Variants in THAP12 observed in about 807,000 individuals in gnomAD.
The protein encoded by THAP12 is THAP domain containing 12.
A neutral mutation model predicts 63.0 loss-of-function variants in THAP12; 20 were observed. That is an observed-to-expected ratio of 0.32 (90% CI 0.22 to 0.46). The LOEUF (loss-of-function observed/expected upper bound fraction) is 0.46, where lower values mean the gene tolerates loss of function less well. Among genes scored for constraint, THAP12 ranks in the 20% least tolerant of loss-of-function variants. THAP12 has a pLI of 1.00. For missense variants in THAP12, 568 were observed against 908.2 expected (o/e 0.63, Z 4.81); for synonymous variants, 264 against 328.4 (o/e 0.80, Z 2.12).
chr11:76,356,048 G>T (rs1242815941), intron 3 of THAP12: 1 of 160,540 alleles, frequency 6.2e-6, no homozygotes, highest in Non-Finnish European at 1.4e-5. Flanking sequence ...CCATAAGAAG[G>T]AGGTTGCTGA....
At chr11:76,376,265 G>A (rs1946709461) in intron 1 of THAP12, among the ~76,000 whole-genome samples, 1 of 152,160 alleles carries the variant, frequency 6.6e-6, no homozygotes, top group Non-Finnish European at 1.5e-5. Flanking sequence ...CACTTTACAT[G>A]GGTGAATTAT....
intron 2 of THAP12, among the ~76,000 whole-genome samples, chr11:76,363,595 T>TTGTTTGTC: frequency 6.6e-6 from 1 of 151,328 alleles, no homozygotes; most frequent in Middle Eastern, 3.4e-3. Flanking sequence ...GGGTTTTTGT[T>TTGTTTGTC]TGTTTGTTTT....
At chr11:76,367,011 T>C (rs1009442360) in intron 1 of THAP12, among the ~76,000 whole-genome samples, 3 of 152,058 alleles carry the variant, frequency 2.0e-5, no homozygotes, top group African/African-American at 7.2e-5. Context: ...CTTGTGCAGA[T>C]GAAGGCACAG....
At chr11:76,366,909 T>G (rs1946635135) in intron 1 of THAP12, among the ~76,000 whole-genome samples, 1 of 152,100 alleles carries the variant, frequency 6.6e-6, no homozygotes, top group Non-Finnish European at 1.5e-5. Context: ...CTCTCGGTGC[T>G]TAAATATTTT....
intron 3 of THAP12, chr11:76,356,383 C>T (rs1305460588): frequency 6.6e-6 from 1 of 152,234 alleles, no homozygotes; most frequent in Non-Finnish European, 1.5e-5. Context: ...ACCTGGACAT[C>T]CCCTCCTTAT....
chr11:76,363,016 G>A (rs1946607763), intron 2 of THAP12, among the ~76,000 whole-genome samples: 3 of 152,128 alleles, frequency 2.0e-5, no homozygotes, highest in Admixed American at 2.0e-4. Context: ...GGTGGCATGT[G>A]CCTGTAGTTC....
intron 1 of THAP12, among the ~76,000 whole-genome samples, chr11:76,366,576 G>A (rs1015292648): frequency 6.6e-6 from 1 of 152,090 alleles, no homozygotes; most frequent in South Asian, 2.1e-4. Flanking sequence ...AGCTACTCGG[G>A]AGGCTGAGGC....
intron 1 of THAP12, among the ~76,000 whole-genome samples, chr11:76,373,910 G>C (rs1173016720): frequency 6.6e-6 from 1 of 151,958 alleles, no homozygotes; most frequent in Non-Finnish European, 1.5e-5. Flanking sequence ...CCAACCTTAT[G>C]TTAACACAAA....
At chr11:76,376,624 G>GTTT (rs11300199) in intron 1 of THAP12, among the ~76,000 whole-genome samples, 5 of 130,840 alleles carry the variant, frequency 3.8e-5, no homozygotes, top group African/African-American at 1.5e-4. Context: ...TGTTTTTTTT[G>GTTT]TTTTTTTTTT....
At chr11:76,366,983 G>A (rs932515956) in intron 1 of THAP12, among the ~76,000 whole-genome samples, 1 of 151,774 alleles carries the variant, frequency 6.6e-6, no homozygotes, top group African/African-American at 2.4e-5. Flanking sequence ...TCCAAAGATG[G>A]GTACTATTAA....
At chr11:76,364,064 A>G (rs74900392) in intron 2 of THAP12, among the ~76,000 whole-genome samples, 18,747 of 152,312 alleles carry the variant, frequency 0.12, 1,431 homozygotes, top group South Asian at 0.23. Flanking sequence ...GAATGTAAGA[A>G]TGAACTATCC....
chr11:76,368,726 A>T (rs1188367219), intron 1 of THAP12: 1 of 152,236 alleles, frequency 6.6e-6, no homozygotes, highest in Admixed American at 6.5e-5. Flanking sequence ...AAAAAAATAA[A>T]TCTTAACTCC....
chr11:76,360,024 T>C (rs547026598), intron 3 of THAP12, among the ~76,000 whole-genome samples: 1 of 152,294 alleles, frequency 6.6e-6, no homozygotes, highest in African/African-American at 2.4e-5. Flanking sequence ...ACTTGTTATA[T>C]AACAGAGGTG....
chr11:76,365,294 A>G (rs1946623392), intron 2 of THAP12, among the ~76,000 whole-genome samples: 1 of 141,442 alleles, frequency 7.1e-6, no homozygotes, highest in African/African-American at 2.7e-5. Context: ...ACTGTCTTTA[A>G]AAAAAAAAAA....
chr11:76,373,537 T>A (rs1384953339), intron 1 of THAP12, among the ~76,000 whole-genome samples: 2 of 151,770 alleles, frequency 1.3e-5, no homozygotes, highest in Non-Finnish European at 2.9e-5. Flanking sequence ...GGCAACATGG[T>A]GAGACCCTGT....
At chr11:76,373,343 CAA>C (rs202157534) in intron 1 of THAP12, among the ~76,000 whole-genome samples, 43 of 62,348 alleles carry the variant, frequency 6.9e-4, no homozygotes, top group Admixed American at 7.4e-4. Context: ...GACACTGTCT[CAA>C]AAAAAAAAAA....
intron 1 of THAP12, among the ~76,000 whole-genome samples, chr11:76,376,847 T>C (rs1946714816): frequency 2.0e-5 from 3 of 152,168 alleles, no homozygotes; most frequent in African/African-American, 7.2e-5. Context: ...TTAATACAAA[T>C]GACCTGTGGT....
At chr11:76,367,924 C>T (rs1946643159) in intron 1 of THAP12, among the ~76,000 whole-genome samples, 1 of 152,182 alleles carries the variant, frequency 6.6e-6, no homozygotes, top group Non-Finnish European at 1.5e-5. Flanking sequence ...TTACTGCTCA[C>T]AGTAACGATG....
intron 3 of THAP12, chr11:76,358,199 A>T (rs1367865283): frequency 2.0e-5 from 3 of 151,964 alleles, no homozygotes; most frequent in Admixed American, 6.6e-5. Flanking sequence ...CTAGGAGAAA[A>T]AAAAAAAAAA....
Sources: allele counts gnomAD v4.1 joint callset (sites outside exome capture counted in the v4.1 genomes callset), GRCh38; gene constraint gnomAD v4.1.1; transcripts MANE v1.5; gene names NCBI Gene and HGNC (gene_info 2026-07-23, HGNC 2026-07-21).